The following CLMP variants were observed in gnomAD, a reference collection of about 807,000 sequenced individuals.
The protein encoded by CLMP is CXADR like cell adhesion molecule.
Under a neutral mutation model 45.2 loss-of-function variants are expected in CLMP, and 27 were observed. The ratio of observed to expected loss-of-function variants is 0.60; its 90% CI spans 0.44 to 0.82. The LOEUF is 0.82. Among genes scored for constraint, CLMP ranks in the 40% least tolerant of loss-of-function variants. The pLI is 0.00. For synonymous variants in CLMP, 167 were observed against 171.4 expected, an observed-to-expected ratio of 0.97 and a Z score of 0.20; for missense variants, 403 against 448.4, an observed-to-expected ratio of 0.90 and a Z score of 0.91.
Position 123,074,784 on chromosome 11 carries a change from G to T in CLMP, c.739C>A (p.Leu247Met), listed in dbSNP as rs546714143. Residue 247 changes from leucine to methionine, a missense_variant, in exon 6 of 7, where the codon CTG becomes ATG. Coordinates refer to ENST00000448775, the MANE Select transcript of CLMP (RefSeq NM_024769.5). Reference protein sequence around the residue: ...AVTGIVAGALLIFLLVWLLIR... With the variant: ...AVTGIVAGALMIFLLVWLLIR... The stretch of plus-strand genomic sequence containing the variant: ...AGCAGCCACACCAAGAGGAAAATCA[G>T]CAGGGCTCCAGCCACTATGCCTGTC... 5 of 1,614,084 alleles carry T rather than the reference G, an allele frequency of 3.1e-6. No individual in the cohort carries two copies. In the African/African-American group the frequency reaches 6.7e-5, roughly 22 times the overall value.
intron 1 of CLMP, among the ~76,000 whole-genome samples, chr11:123,142,421 G>C: frequency 6.6e-6 from 1 of 152,156 alleles, no homozygotes; most frequent in Non-Finnish European, 1.5e-5. Context: ...AATGCAAGTT[G>C]TTGAAGCTGT....
At chr11:123,171,427 T>TTTTCTTTTC (rs1555086699) in intron 1 of CLMP, among the ~76,000 whole-genome samples, 1 of 139,218 alleles carries the variant, frequency 7.2e-6, no homozygotes, top group Non-Finnish European at 1.5e-5. Flanking sequence ...AAGATTTTTT[T>TTTTCTTTTC]TTTTCTTTTC....
intron 2 of CLMP, among the ~76,000 whole-genome samples, chr11:123,089,798 A>G (rs1865908822): frequency 7.5e-6 from 1 of 133,794 alleles, no homozygotes; most frequent in Non-Finnish European, 1.6e-5. Flanking sequence ...AAAAAAGAAA[A>G]AGAAAAAGAA....
At chr11:123,150,584 A>C (rs984988441) in intron 1 of CLMP, among the ~76,000 whole-genome samples, 1 of 131,674 alleles carries the variant, frequency 7.6e-6, no homozygotes, top group Admixed American at 8.3e-5. Flanking sequence ...AAGGAAGGAA[A>C]GGAAGGAAGG....
intron 1 of CLMP, among the ~76,000 whole-genome samples, chr11:123,150,621 G>A (rs201989919): frequency 1.4e-5 from 2 of 144,934 alleles, no homozygotes; most frequent in Non-Finnish European, 3.0e-5. Flanking sequence ...AAGGAAGGAA[G>A]GAAAGGAAGG....
intron 1 of CLMP, among the ~76,000 whole-genome samples, chr11:123,112,427 T>C (rs1323467174): frequency 6.8e-6 from 1 of 147,040 alleles, no homozygotes; most frequent in Non-Finnish European, 1.5e-5. Context: ...AACCTCCGCC[T>C]CCAGGGTTGA....
intron 2 of CLMP, among the ~76,000 whole-genome samples, chr11:123,090,021 G>A (rs1219702332): frequency 1.3e-5 from 2 of 151,584 alleles, no homozygotes; most frequent in African/African-American, 2.4e-5. Context: ...CCTGGGAGGC[G>A]GAGGTTGCAG....
intron 1 of CLMP, among the ~76,000 whole-genome samples, chr11:123,138,723 A>C (rs1861112535): frequency 6.6e-6 from 1 of 151,706 alleles, no homozygotes; most frequent in Admixed American, 6.6e-5. Flanking sequence ...GCACGATCTC[A>C]GCTCACTGCA....
At chr11:123,167,368 C>G (rs1861571225) in intron 1 of CLMP, among the ~76,000 whole-genome samples, 1 of 152,164 alleles carries the variant, frequency 6.6e-6, no homozygotes, top group African/African-American at 2.4e-5. Context: ...TCACTGCAAG[C>G]TCCACCTCCT....
In CLMP at chr11:123,071,144, G is replaced by A. The variant is rs1315614187; in HGVS notation, c.*2330C>T. Reference sequence around the variant, plus strand: ...CTCTAACCTGCTCTTCTTTTAAAAAGTATTCTGGGCCGGGCATGGTGGCTC... The same window carrying A: ...CTCTAACCTGCTCTTCTTTTAAAAAATATTCTGGGCCGGGCATGGTGGCTC... On this transcript the variant is annotated 3_prime_UTR_variant, in exon 7 of 7. Transcript: ENST00000448775. 2 of 152,078 alleles carry A rather than the reference G, an allele frequency of 1.3e-5. No homozygotes were observed. Among genetic ancestry groups the A allele is most frequent in the East Asian group, 3.8e-4 (2 of 5,200 alleles). 9.4% of individuals were successfully genotyped at this position (152,078 alleles called of 1,614,324 possible). A position where few individuals can be genotyped will look rare whatever the true frequency, so the allele number is the denominator to read the frequency against.
chr11:123,184,567 C>T (rs890667149), intron 1 of CLMP, among the ~76,000 whole-genome samples: 1 of 152,134 alleles, frequency 6.6e-6, no homozygotes. Flanking sequence ...AAACTCCATG[C>T]ACCACGGAAG....
chr11:123,075,547 C>T (rs1218520455), intron 5 of CLMP, among the ~76,000 whole-genome samples: 1 of 151,992 alleles, frequency 6.6e-6, no homozygotes, highest in African/African-American at 2.4e-5. Context: ...CCACCACGCC[C>T]GGCTAGTTTT....
chr11:123,151,544 A>G (rs1244535821), intron 1 of CLMP, among the ~76,000 whole-genome samples: 1 of 152,218 alleles, frequency 6.6e-6, no homozygotes, highest in Non-Finnish European at 1.5e-5. Flanking sequence ...AAATGAATAC[A>G]ATGCTGTACT....
At chr11:123,116,490 C>A (rs1364475648) in intron 1 of CLMP, among the ~76,000 whole-genome samples, 1 of 151,976 alleles carries the variant, frequency 6.6e-6, no homozygotes, top group African/African-American at 2.4e-5. Flanking sequence ...ATCGCTTGAA[C>A]CCAGGAGGTG....
chr11:123,135,479 G>T (rs947018387), intron 1 of CLMP, among the ~76,000 whole-genome samples: 1 of 152,136 alleles, frequency 6.6e-6, no homozygotes, highest in Admixed American at 6.6e-5. Context: ...GATATTTCAG[G>T]AGTCCAGGCT....
chr11:123,083,646 G>C lies in CLMP; in HGVS notation c.556+34C>G, dbSNP rs781521091. The C allele has an allele frequency of 2.4e-5, 38 of 1,609,318 alleles. No individual in the cohort carries two copies. The Admixed American group carries it at 5.2e-4, about 22-fold the overall frequency. ...GAGCTCACGGATAGAGGACTATTTT[G>C]TTGGCTCAATAGATTGGTAGGAAGA... On this transcript the variant is annotated intron_variant, in intron 4 of 6. Coordinates refer to ENST00000448775, the MANE Select transcript of CLMP (RefSeq NM_024769.5).
chr11:123,164,585 T>A (rs1861532840), intron 1 of CLMP, among the ~76,000 whole-genome samples: 1 of 151,926 alleles, frequency 6.6e-6, no homozygotes, highest in Non-Finnish European at 1.5e-5. Flanking sequence ...GTTAAAGATG[T>A]GAGCCACCAT....
intron 1 of CLMP, among the ~76,000 whole-genome samples, chr11:123,160,780 C>A (rs974086419): frequency 2.0e-5 from 3 of 151,998 alleles, no homozygotes; most frequent in African/African-American, 7.3e-5. Context: ...GAGTTCAAGA[C>A]CAGCCTGGCT....
rs754292368 is a variant in CLMP at position 123,073,591 on chromosome 11, T to C, written c.1005A>G (p.Leu335=). Residue 335 remains leucine (L), a synonymous_variant, in exon 7 of 7, where the codon CTA becomes CTG. Coordinates refer to ENST00000448775, the MANE Select transcript of CLMP (RefSeq NM_024769.5). ...QPGLATQAYS[L]VGPEVRGSEP... ...CAGAACCTCTCACCTCTGGCCCCACTAGGCTGTATGCCTGGGTGGCCAGCC... is the reference window on the plus strand; with the variant it reads ...CAGAACCTCTCACCTCTGGCCCCACCAGGCTGTATGCCTGGGTGGCCAGCC... 6.2e-7 allele frequency: 1 copy of C among 1,614,242 alleles called. No homozygotes were observed. The highest frequency in any genetic ancestry group is 8.5e-7 in the Non-Finnish European group (1 of 1,180,024).
Sources: gnomAD v4.1 joint callset for allele counts (sites outside exome capture counted in the v4.1 genomes callset) on GRCh38, gnomAD v4.1.1 for gene constraint, MANE v1.5 for transcripts, NCBI Gene and HGNC (gene_info 2026-07-23, HGNC 2026-07-21) for gene names.